Variants in TMEM132E observed in about 807,000 individuals in gnomAD.
TMEM132E encodes transmembrane protein 132E.
A neutral mutation model predicts 78.5 loss-of-function variants in TMEM132E; 49 were observed. The ratio of observed to expected loss-of-function variants is 0.62; its 90% CI spans 0.50 to 0.79. The LOEUF (loss-of-function observed/expected upper bound fraction) is 0.79, where lower values mean the gene tolerates loss of function less well. Among genes scored for constraint, TMEM132E ranks in the 30% least tolerant of loss-of-function variants. The pLI, the probability that TMEM132E is intolerant of heterozygous loss-of-function variation, is 0.00. For missense variants in TMEM132E, 1,403 were observed against 1,470.9 expected (o/e 0.95, Z 0.75); for synonymous variants, 715 against 670.6 (o/e 1.07, Z -1.02).
chr17:34,626,479 C>G lies in TMEM132E; in HGVS notation c.420C>G (p.Pro140=). ...IVRSHVPASQ[P]VVQVLFYVAG... is the part of the protein sequence containing the mutation. The stretch of plus-strand genomic sequence containing the variant: ...GCTCGCACGTGCCCGCCTCGCAGCC[C>G]GTGGTCCAGGTGCTGTTCTACGTAG... The change falls in exon 2 of 9, where the codon CCC becomes CCG. Residue 140 remains proline, a synonymous_variant. Transcript: ENST00000631683. 1.9e-6 allele frequency: 3 copies of G among 1,612,612 alleles called. No individual in the cohort carries two copies. Among genetic ancestry groups the G allele is most frequent in the Non-Finnish European group, 2.5e-6 (3 of 1,179,810 alleles).
intron 1 of TMEM132E, among the ~76,000 whole-genome samples, chr17:34,620,250 G>T (rs903632059): frequency 6.6e-6 from 1 of 152,212 alleles, no homozygotes; most frequent in Admixed American, 6.5e-5. Flanking sequence ...GGCAAGCCTG[G>T]GCAGGTACCC....
Position 34,614,586 on chromosome 17 carries a change from C to G in TMEM132E, c.68-11541C>G, listed in dbSNP as rs185220850. On this transcript the variant is annotated intron_variant, in intron 1 of 8. Transcript: ENST00000631683. ...CAGACTAACAGACACAGGCTTACAACTTGCAGGGCAGGCTCACAGAGCAGG... is the reference window on the plus strand; with the variant it reads ...CAGACTAACAGACACAGGCTTACAAGTTGCAGGGCAGGCTCACAGAGCAGG... 8 of 152,404 alleles carry G rather than the reference C, an allele frequency of 5.2e-5. No homozygotes were observed. In the East Asian group the frequency reaches 1.5e-3, roughly 29 times the overall value. 9.4% of individuals were successfully genotyped at this position (152,404 alleles called of 1,614,324 possible). A position where few individuals can be genotyped will look rare whatever the true frequency, so the allele number is the denominator to read the frequency against.
rs1379736755 is a variant in TMEM132E at position 34,638,035 on chromosome 17, C to T, written c.3028C>T (p.Arg1010Cys). The change falls in exon 9 of 9, where the codon CGC (arginine) becomes TGC (cysteine). Residue 1010 changes from arginine (R) to cysteine (C), a missense_variant. Coordinates refer to ENST00000631683, the MANE Select transcript of TMEM132E (RefSeq NM_001304438.2). The part of the protein sequence containing the change: ...EDPASSPTSK[R>C]KRVKFTTFTT... ...CCCCGCCAGCTCGCCCACCTCCAAG[C>T]GCAAGCGGGTCAAGTTCACCACCTT... 3 of 1,576,858 alleles carry T rather than the reference C, an allele frequency of 1.9e-6. No homozygotes were observed. The highest frequency in any genetic ancestry group is 2.3e-5 in the South Asian group (2 of 87,196).
In TMEM132E at chr17:34,637,651, C is replaced by T. The variant is rs757497381; in HGVS notation, c.2644C>T (p.Arg882Trp). Reference sequence around the variant, plus strand: ...GCCCACCGGCTTCCTGCAGGTGCCACGGGGTCTGACAGACCTGGAGATCGG... The same window carrying T: ...GCCCACCGGCTTCCTGCAGGTGCCATGGGGTCTGACAGACCTGGAGATCGG... ...PLPTGFLQVP[R>W]GLTDLEIGMY... The change falls in exon 9 of 9, where the codon CGG (arginine) becomes TGG (tryptophan). Residue 882 changes from arginine (R) to tryptophan (W), a missense_variant. Physicochemically the swap from Arg to Trp is moderately radical, Grantham distance 101. Transcript: ENST00000631683. The T allele has an allele frequency of 4.4e-6, 7 of 1,607,632 alleles. No individual in the cohort carries two copies. The South Asian group carries it at 7.7e-5, about 18-fold the overall frequency.
In TMEM132E at chr17:34,634,814, C is replaced by A; in HGVS notation, c.1704C>A (p.Ser568Arg). ...CCCACCCCAGGTCAGTCCGGGAAAG[C>A]GAGGATGAGGATGAGGAGGAGGAGG... ...ILPDRRSVRE[S>R]EDEDEEEEER... is the part of the protein sequence containing the mutation. The change falls in exon 7 of 9, where the codon AGC becomes AGA. Residue 568 changes from serine to arginine, a missense_variant. Transcript: ENST00000631683. The A allele has an allele frequency of 6.2e-7, 1 of 1,613,260 alleles. No individual in the cohort carries two copies. Among genetic ancestry groups the A allele is most frequent in the South Asian group, 1.1e-5 (1 of 90,936 alleles).
Position 34,637,797 on chromosome 17 carries a change from C to T in TMEM132E, c.2790C>T (p.Asp930=). 1 of 1,613,218 alleles carries T rather than the reference C, an allele frequency of 6.2e-7. No homozygotes were observed. The highest frequency in any genetic ancestry group is 8.5e-7 in the Non-Finnish European group (1 of 1,179,926). ...RIPPEGQTSM[D]HSHHWVFLGN... The stretch of plus-strand genomic sequence containing the variant: ...CGCCCGAGGGCCAGACCAGCATGGA[C>T]CACTCTCACCACTGGGTGTTCCTGG... Residue 930 remains aspartate (D), a synonymous_variant, in exon 9 of 9, where the codon GAC becomes GAT. Transcript: ENST00000631683.
At chr17:34,614,928 G>T (rs1906727407) in intron 1 of TMEM132E, 1 of 152,308 alleles carries the variant, frequency 6.6e-6, no homozygotes, top group Non-Finnish European at 1.5e-5. Flanking sequence ...AGTCTAGAGG[G>T]GAAGGGAGGG....
chr17:34,596,159 G>T lies in TMEM132E; in HGVS notation c.67+15016G>T, dbSNP rs77467564. ...AGAAGAGAGATTTCCCCTGTCTGGGGTGTGGCAAGAGGAATTGGTATTTGA... is the reference window on the plus strand; with the variant it reads ...AGAAGAGAGATTTCCCCTGTCTGGGTTGTGGCAAGAGGAATTGGTATTTGA... On this transcript the variant is annotated intron_variant, in intron 1 of 8. Coordinates refer to ENST00000631683, the MANE Select transcript of TMEM132E (RefSeq NM_001304438.2). 6.7e-3 allele frequency among the ~76,000 whole-genome samples: 1,022 copies of T among 152,218 alleles called. 15 individuals are homozygous for T. Among genetic ancestry groups the T allele is most frequent in the African/African-American group, 0.023 (962 of 41,510 alleles).
intron 2 of TMEM132E, among the ~76,000 whole-genome samples, chr17:34,627,704 C>T (rs577865038): frequency 5.6e-4 from 86 of 152,244 alleles, no homozygotes; most frequent in African/African-American, 2.0e-3. Flanking sequence ...TCTGAGGACA[C>T]CCACCAAAAT....
chr17:34,637,593 C>T lies in TMEM132E; in HGVS notation c.2586C>T (p.Pro862=), dbSNP rs768630171. The change falls in exon 9 of 9, where the codon CCC becomes CCT. Residue 862 remains proline (P), a synonymous_variant. Coordinates refer to ENST00000631683, the MANE Select transcript of TMEM132E (RefSeq NM_001304438.2). ...CTCCAGGCCCGGGCACCGCCAGCCC[C>T]GTCGTGCCACCCACAGAAGACTTCC... ...PEAPGPGTAS[P]VVPPTEDFLP... 2.5e-6 allele frequency: 4 copies of T among 1,601,192 alleles called. No individual in the cohort carries two copies. Among genetic ancestry groups the T allele is most frequent in the South Asian group, 1.1e-5 (1 of 90,430 alleles).
Position 34,637,920 on chromosome 17 carries a change from C to T in TMEM132E, c.2913C>T (p.Ser971=). Residue 971 remains serine (S), a synonymous_variant, in exon 9 of 9, where the codon AGC becomes AGT. Transcript: ENST00000631683. ...CCTTCTGCCACGGCGACCACCACAG[C>T]AGCGGCAGCTCGCAGACCAGCGTCC... ...VPAFCHGDHH[S]SGSSQTSVQS... is the part of the protein sequence containing the mutation. 1 of 1,606,314 alleles carries T rather than the reference C, an allele frequency of 6.2e-7. No individual in the cohort carries two copies. The highest frequency in any genetic ancestry group is 8.5e-7 in the Non-Finnish European group (1 of 1,178,682).
chr17:34,630,295 TGCA>T, intron 5 of TMEM132E, 144 bp downstream of exon 5: 1 of 803,308 alleles, frequency 1.2e-6, no homozygotes, highest in Non-Finnish European at 1.9e-6. Context: ...CCCCTTCTGT[TGCA>T]GCAGCTGCCC....
At chr17:34,630,334 C>A (rs918126510) in intron 5 of TMEM132E, among the ~76,000 whole-genome samples, 183 bp downstream of exon 5, 38 of 152,132 alleles carry the variant, frequency 2.5e-4, no homozygotes, top group African/African-American at 9.2e-4. Context: ...ACAGCACTGG[C>A]CTTACTTCAT....
At chr17:34,615,563 A>C (rs926892295) in intron 1 of TMEM132E, among the ~76,000 whole-genome samples, 2 of 124,864 alleles carry the variant, frequency 1.6e-5, no homozygotes, top group East Asian at 3.2e-4. Flanking sequence ...TAGCACAACC[A>C]CCTCCCAGGG....
intron 1 of TMEM132E, among the ~76,000 whole-genome samples, chr17:34,606,627 C>T (rs1567714463): frequency 6.6e-6 from 1 of 152,206 alleles, no homozygotes; most frequent in Non-Finnish European, 1.5e-5. Flanking sequence ...TGGACGAGGG[C>T]TGTTTAGGGA....
Position 34,637,568 on chromosome 17 carries a change from C to G in TMEM132E, c.2561C>G (p.Ala854Gly). Residue 854 changes from alanine to glycine, a missense_variant, in exon 9 of 9, where the codon GCT becomes GGT. Physicochemically the swap from Ala to Gly is moderately conservative, Grantham distance 60. Coordinates refer to ENST00000631683, the MANE Select transcript of TMEM132E (RefSeq NM_001304438.2). Reference sequence around the variant, plus strand: ...GGCTCTGCGCTACCCGCACCGGAGGCTCCAGGCCCGGGCACCGCCAGCCCC... The same window carrying G: ...GGCTCTGCGCTACCCGCACCGGAGGGTCCAGGCCCGGGCACCGCCAGCCCC... ...PPGSALPAPE[A>G]PGPGTASPVV... 2 of 1,600,616 alleles carry G rather than the reference C, an allele frequency of 1.2e-6. No homozygotes were observed. Among genetic ancestry groups the G allele is most frequent in the African/African-American group, 2.7e-5 (2 of 74,974 alleles).
chr17:34,610,363 G>T (rs543641587), intron 1 of TMEM132E, among the ~76,000 whole-genome samples: 1 of 152,158 alleles, frequency 6.6e-6, no homozygotes, highest in South Asian at 2.1e-4. Context: ...ATCTAGTATT[G>T]TACTAGGCAG....
intron 1 of TMEM132E, among the ~76,000 whole-genome samples, chr17:34,596,064 ACACG>A (rs1248102061): frequency 4.3e-5 from 3 of 70,348 alleles, no homozygotes; most frequent in Non-Finnish European, 1.1e-4. Context: ...ACACACACAC[ACACG>A]CACAACTTGC....
chr17:34,618,455 C>T (rs1056879250), intron 1 of TMEM132E, among the ~76,000 whole-genome samples: 3 of 149,788 alleles, frequency 2.0e-5, no homozygotes, highest in Non-Finnish European at 4.4e-5. Context: ...TGGTCTCAAA[C>T]TCCTGGTCTC....
Sources: allele counts gnomAD v4.1 joint callset (sites outside exome capture counted in the v4.1 genomes callset), GRCh38; gene constraint gnomAD v4.1.1; transcripts MANE v1.5; gene names NCBI Gene and HGNC (gene_info 2026-07-23, HGNC 2026-07-21).